CSMD3: variants seen among roughly 807,000 people sequenced by gnomAD.
CSMD3 encodes the protein CUB and sushi domain-containing protein 3.
CSMD3 carries 177 observed loss-of-function variants against 435.2 expected under a neutral mutation model. That is an observed-to-expected ratio of 0.41 (90% CI 0.36 to 0.46). The LOEUF (loss-of-function observed/expected upper bound fraction) is 0.46, where lower values mean the gene tolerates loss of function less well. Among genes scored for constraint, CSMD3 ranks in the 20% least tolerant of loss-of-function variants. The pLI, the probability that CSMD3 is intolerant of heterozygous loss-of-function variation, is 0.34. For synonymous variants in CSMD3, 1,656 were observed against 1,520.5 expected (o/e 1.09, Z -2.07); for missense variants, 4,265 against 4,504.6 (o/e 0.95, Z 1.52).
At chr8:113,079,136 C>G (rs2089458013) in intron 5 of CSMD3, among the ~76,000 whole-genome samples, 1 of 152,068 alleles carries the variant, frequency 6.6e-6, no homozygotes, top group Non-Finnish European at 1.5e-5. Flanking sequence ...ATTATTATCT[C>G]TAATTATCCT....
At chr8:113,051,922 G>T (rs1314189782) in intron 5 of CSMD3, among the ~76,000 whole-genome samples, 2 of 152,158 alleles carry the variant, frequency 1.3e-5, no homozygotes, top group Admixed American at 6.5e-5. Context: ...ATGTTTTCAA[G>T]ACTTCACTCA....
At chr8:112,612,241 T>C (rs1331719414) in intron 22 of CSMD3, among the ~76,000 whole-genome samples, 3 of 152,188 alleles carry the variant, frequency 2.0e-5, no homozygotes, top group Non-Finnish European at 4.4e-5. Context: ...CAGCCAGGTA[T>C]AACAGATATA....
At chr8:113,297,146 T>C (rs545007941) in intron 2 of CSMD3, among the ~76,000 whole-genome samples, 160 of 152,230 alleles carry the variant, frequency 1.1e-3, no homozygotes, top group Non-Finnish European at 2.0e-3. Context: ...ATTAAGTTAA[T>C]ATATTAAACT....
chr8:113,124,430 T>C (rs1395260224), intron 4 of CSMD3, among the ~76,000 whole-genome samples: 1 of 151,762 alleles, frequency 6.6e-6, no homozygotes, highest in Non-Finnish European at 1.5e-5. Context: ...AGACATTATA[T>C]AGGAAAAGTT....
intron 1 of CSMD3, among the ~76,000 whole-genome samples, chr8:113,340,188 G>T (rs570150543): frequency 8.6e-5 from 13 of 151,766 alleles, no homozygotes; most frequent in Non-Finnish European, 1.9e-4. Flanking sequence ...TTATTGACTT[G>T]TAAGTTTTGT....
intron 22 of CSMD3, among the ~76,000 whole-genome samples, chr8:112,594,299 G>A (rs946920968): frequency 4.6e-5 from 7 of 152,242 alleles, no homozygotes; most frequent in East Asian, 3.9e-4. Context: ...CGAATATTGC[G>A]CTTTTCGGAC....
intron 38 of CSMD3, among the ~76,000 whole-genome samples, chr8:112,371,309 C>A (rs1418955315): frequency 6.6e-6 from 1 of 152,140 alleles, no homozygotes; most frequent in Admixed American, 6.5e-5. Context: ...TGAAACAATT[C>A]CCATACAGAA....
At chr8:113,096,557 C>CT (rs926627013) in intron 5 of CSMD3, among the ~76,000 whole-genome samples, 17 of 151,350 alleles carry the variant, frequency 1.1e-4, no homozygotes, top group African/African-American at 2.7e-4. Flanking sequence ...GCCACAGTGA[C>CT]TTTTTTTTTA....
At chr8:112,876,352 C>G (rs1193552302) in intron 10 of CSMD3, among the ~76,000 whole-genome samples, 1 of 134,196 alleles carries the variant, frequency 7.5e-6, no homozygotes, top group Admixed American at 8.1e-5. Flanking sequence ...ATCCTGATAC[C>G]AAAACCTGGC....
chr8:112,941,117 T>C (rs1325037896), intron 9 of CSMD3, among the ~76,000 whole-genome samples: 1 of 151,714 alleles, frequency 6.6e-6, no homozygotes, highest in Non-Finnish European at 1.5e-5. Flanking sequence ...AAGAAAAGCT[T>C]TATAAAAGAG....
At chr8:112,506,889 A>G in intron 28 of CSMD3, 60 bp from the exon 29 acceptor site, 1 of 1,463,582 alleles carries the variant, frequency 6.8e-7, no homozygotes, top group Admixed American at 1.9e-5. Context: ...ATTAGCTATC[A>G]ATATTTTTGA....
At chr8:113,139,464 G>A (rs1014675361) in intron 4 of CSMD3, among the ~76,000 whole-genome samples, 4 of 150,636 alleles carry the variant, frequency 2.7e-5, no homozygotes, top group Non-Finnish European at 4.5e-5. Flanking sequence ...CTAAAATGAC[G>A]GCACCATTTT....
intron 3 of CSMD3, among the ~76,000 whole-genome samples, chr8:113,275,664 G>A (rs547643667): frequency 6.6e-6 from 1 of 152,040 alleles, no homozygotes; most frequent in African/African-American, 2.4e-5. Context: ...AAAAAGAAAT[G>A]AGATTTACAC....
intron 22 of CSMD3, among the ~76,000 whole-genome samples, chr8:112,622,844 G>A (rs934689940): frequency 2.6e-5 from 4 of 152,070 alleles, no homozygotes; most frequent in African/African-American, 9.7e-5. Flanking sequence ...ACTTAGCATA[G>A]TGCCTAATCA....
intron 2 of CSMD3, among the ~76,000 whole-genome samples, chr8:113,285,442 G>A (rs2093639696): frequency 1.3e-5 from 2 of 151,962 alleles, no homozygotes; most frequent in East Asian, 3.9e-4. Context: ...TTGTTTTTTA[G>A]TAGAGACGGG....
At chr8:112,920,946 T>A (rs573113619) in intron 10 of CSMD3, among the ~76,000 whole-genome samples, 1 of 145,120 alleles carries the variant, frequency 6.9e-6, no homozygotes, top group African/African-American at 2.5e-5. Flanking sequence ...CACACGCACA[T>A]ATACACATAC....
chr8:113,133,755 G>T (rs1007450754), intron 4 of CSMD3, among the ~76,000 whole-genome samples: 1 of 151,964 alleles, frequency 6.6e-6, no homozygotes, highest in African/African-American at 2.4e-5. Flanking sequence ...GTCTTAAAAG[G>T]AAGAAAACCT....
At chr8:112,345,631 CAAAA>C (rs1336393458) in intron 41 of CSMD3, among the ~76,000 whole-genome samples, 1 of 151,944 alleles carries the variant, frequency 6.6e-6, no homozygotes, top group Non-Finnish European at 1.5e-5. Context: ...TTCAGTTACA[CAAAA>C]GAAGTAAATT....
At chr8:112,547,424 T>C (rs1240658799) in intron 27 of CSMD3, among the ~76,000 whole-genome samples, 1 of 152,106 alleles carries the variant, frequency 6.6e-6, no homozygotes, top group Non-Finnish European at 1.5e-5. Flanking sequence ...GGTGCACACC[T>C]GTAGTCCTAG....
Sources: gnomAD v4.1 joint callset for allele counts (sites outside exome capture counted in the v4.1 genomes callset) on GRCh38, gnomAD v4.1.1 for gene constraint, MANE v1.5 for transcripts, NCBI Gene and HGNC (gene_info 2026-07-23, HGNC 2026-07-21) for gene names.